The following PARD3B variants were observed in gnomAD, a reference collection of about 807,000 sequenced individuals.
The protein encoded by PARD3B is par-3 family cell polarity regulator beta.
A neutral mutation model predicts 130.2 loss-of-function variants in PARD3B; 103 were observed. That is an observed-to-expected ratio of 0.79 (90% CI 0.67 to 0.93). PARD3B has a LOEUF of 0.93. PARD3B is among the 40% of genes least tolerant of loss of function. The pLI is 0.00. For missense variants in PARD3B, 1,609 were observed against 1,499.2 expected, an observed-to-expected ratio of 1.07 and a Z score of -1.21; for synonymous variants, 583 against 553.2, an observed-to-expected ratio of 1.05 and a Z score of -0.76.
chr2:205,543,991 G>C (rs1267353106), intron 21 of PARD3B, among the ~76,000 whole-genome samples: 1 of 152,156 alleles, frequency 6.6e-6, no homozygotes, highest in Non-Finnish European at 1.5e-5. Flanking sequence ...TATCATTTAA[G>C]AATTGAACAT....
chr2:205,313,859 A>G (rs1448128793), intron 18 of PARD3B, among the ~76,000 whole-genome samples: 1 of 152,236 alleles, frequency 6.6e-6, no homozygotes, highest in Non-Finnish European at 1.5e-5. Context: ...TAGAAGATAC[A>G]CTTTAATAAA....
intron 2 of PARD3B, among the ~76,000 whole-genome samples, chr2:204,917,261 A>C (rs1208993472): frequency 3.3e-5 from 5 of 152,206 alleles, no homozygotes; most frequent in Non-Finnish European, 5.9e-5. Context: ...TAGTAGAAGC[A>C]GCTATGGAAG....
intron 3 of PARD3B, among the ~76,000 whole-genome samples, chr2:205,012,042 C>T (rs1331205031): frequency 6.6e-6 from 1 of 152,138 alleles, no homozygotes; most frequent in East Asian, 1.9e-4. Context: ...AAAGCAGCTG[C>T]TTTCCCCAAT....
Position 205,183,730 on chromosome 2 carries a change from TTGTGTGTGTGTGTGTGTGTGTG to T in PARD3B, c.1925-2011_1925-1990del, listed in dbSNP as rs71410805. On this transcript the variant is annotated intron_variant, in intron 13 of 22. Coordinates refer to ENST00000406610, the MANE Select transcript of PARD3B (RefSeq NM_001302769.2). The surrounding 1 kb of genome is among the most constrained non-coding windows in gnomAD (Gnocchi z 5.2). ...GGTTCTGCAGAGAAACAGAACCAAG[TTGTGTGTGTGTGTGTGTGTGTG>T]TGTGTGTGTGTGTGTGTGTGTGAAC... Among the ~76,000 whole-genome samples, 2 of 138,158 alleles carry T rather than the reference TTGTGTGTGTGTGTGTGTGTGTG, an allele frequency of 1.4e-5. No individual in the cohort carries two copies. Among genetic ancestry groups the T allele is most frequent in the Admixed American group, 7.4e-5 (1 of 13,594 alleles). The allele number at this position is 138,158 out of a possible 152,430, so 90.6% of individuals were successfully genotyped here. A position where few individuals can be genotyped will look rare whatever the true frequency, so the allele number is the denominator to read the frequency against.
At chr2:204,807,484 C>T (rs115305178) in intron 2 of PARD3B, among the ~76,000 whole-genome samples, 2,028 of 152,188 alleles carry the variant, frequency 0.013, 50 homozygotes, top group African/African-American at 0.046. Flanking sequence ...GTAGCAGTCT[C>T]ACTACTGGGT....
In PARD3B at chr2:205,615,753, C is replaced by T. The variant is rs762039540; in HGVS notation, c.3558C>T (p.Asp1186=). ...CAGGGCCCCGTGGGGGCAGCCCAGA[C>T]CAGTACCCTTACCGAACCCAGGATT... ...GRPGPRGGSP[D]QYPYRTQDSR... The change falls in exon 23 of 23, where the codon GAC becomes GAT. Residue 1186 remains aspartate, a synonymous_variant. Transcript: ENST00000406610. 1.2e-6 allele frequency: 2 copies of T among 1,614,098 alleles called. No individual in the cohort carries two copies. Among genetic ancestry groups the T allele is most frequent in the East Asian group, 2.2e-5 (1 of 44,866 alleles).
intron 2 of PARD3B, among the ~76,000 whole-genome samples, chr2:204,711,156 G>A (rs796350241): frequency 3.9e-5 from 6 of 152,234 alleles, no homozygotes; most frequent in African/African-American, 1.4e-4. Context: ...AGCATATTTT[G>A]TATGTTCTGA....
intron 2 of PARD3B, among the ~76,000 whole-genome samples, chr2:204,757,861 C>T (rs987746363): frequency 6.6e-6 from 1 of 151,998 alleles, no homozygotes; most frequent in Admixed American, 6.6e-5. Flanking sequence ...TATGAGGAAA[C>T]AAGAAAAGTC....
chr2:204,878,994 T>G (rs2045944980), intron 2 of PARD3B, among the ~76,000 whole-genome samples: 1 of 152,192 alleles, frequency 6.6e-6, no homozygotes, highest in Non-Finnish European at 1.5e-5. Flanking sequence ...TAATTGTTGG[T>G]TGCTGTAGAT....
chr2:205,513,827 G>GTAGT (rs994775834), intron 21 of PARD3B, among the ~76,000 whole-genome samples: 2 of 152,070 alleles, frequency 1.3e-5, no homozygotes, highest in Admixed American at 1.3e-4. Flanking sequence ...ATATTTAGGA[G>GTAGT]TAGTTATGCA....
chr2:205,515,011 C>A (rs538155053), intron 21 of PARD3B, among the ~76,000 whole-genome samples: 1 of 152,066 alleles, frequency 6.6e-6, no homozygotes, highest in South Asian at 2.1e-4. Flanking sequence ...CTCAAATAGA[C>A]CCCAGTGTCT....
chr2:205,583,484 G>C (rs2054079773), intron 22 of PARD3B, among the ~76,000 whole-genome samples: 1 of 152,146 alleles, frequency 6.6e-6, no homozygotes, highest in Admixed American at 6.5e-5. Context: ...CATGATGGTG[G>C]TGGTGGTGAT....
chr2:205,568,892 A>G lies in PARD3B; in HGVS notation c.3260+15489A>G, dbSNP rs1437728222. On this transcript the variant is annotated intron_variant, in intron 22 of 22. Transcript: ENST00000406610. This position sits in a 1 kb window ranked among gnomAD's most constrained non-coding sequence, Gnocchi z 5.3. ...TTAGGCTCACCTTCTTAGAACAAAA[A>G]GTATGTGTCATAAGTCAAACAGGCT... 6.6e-6 allele frequency among the ~76,000 whole-genome samples: 1 copy of G among 152,194 alleles called. No individual in the cohort carries two copies. The highest frequency in any genetic ancestry group is 1.5e-5 in the Non-Finnish European group (1 of 68,026).
At chr2:205,156,328 G>A (rs1380526534) in intron 10 of PARD3B, among the ~76,000 whole-genome samples, 1 of 150,948 alleles carries the variant, frequency 6.6e-6, no homozygotes, top group Non-Finnish European at 1.5e-5. Context: ...CGAGTTAATG[G>A]GTGCAGCACA....
intron 3 of PARD3B, among the ~76,000 whole-genome samples, chr2:204,971,641 G>A (rs1691720602): frequency 6.8e-6 from 1 of 148,002 alleles, no homozygotes; most frequent in South Asian, 2.1e-4. Context: ...CCCCCTCCAT[G>A]AAGGCTTAAA....
chr2:205,464,962 G>A (rs1048312349), intron 20 of PARD3B, among the ~76,000 whole-genome samples: 1 of 152,208 alleles, frequency 6.6e-6, no homozygotes, highest in Admixed American at 6.5e-5. Context: ...GGGTTCAGCA[G>A]TGTGCCTGGT....
intron 2 of PARD3B, among the ~76,000 whole-genome samples, chr2:204,952,494 A>G (rs920736605): frequency 4.6e-5 from 7 of 152,212 alleles, no homozygotes; most frequent in African/African-American, 1.7e-4. Flanking sequence ...TGAATGGAAT[A>G]CCATGTAATG....
chr2:204,669,329 AT>A lies in PARD3B; in HGVS notation c.121-16844del, dbSNP rs538271974. 5.1e-4 allele frequency among the ~76,000 whole-genome samples: 78 copies of A among 151,942 alleles called. No homozygotes were observed. The highest frequency in any genetic ancestry group is 7.2e-4 in the Admixed American group (11 of 15,230). On this transcript the variant is annotated intron_variant, in intron 1 of 22. Transcript: ENST00000406610. The surrounding 1 kb of genome is among the most constrained non-coding windows in gnomAD (Gnocchi z 4.3). ...ACCATGTTTACTTTCATAAGGAGTA[AT>A]TTTTTTTACCTATACAAAATTGGAT...
At chr2:205,195,787 A>G (rs1008644) in intron 15 of PARD3B, among the ~76,000 whole-genome samples, 80,337 of 151,620 alleles carry the variant, frequency 0.53, 21,594 homozygotes, top group Admixed American at 0.65. Context: ...CATGATGTCT[A>G]TTTTTGACCT....
Sources: gnomAD v4.1 joint callset for allele counts (sites outside exome capture counted in the v4.1 genomes callset) on GRCh38, gnomAD v4.1.1 for gene constraint, Gnocchi (gnomAD v3.1) non-coding constraint, MANE v1.5 for transcripts, NCBI Gene and HGNC (gene_info 2026-07-23, HGNC 2026-07-21) for gene names.